Variants in CTNNA3 observed in about 807,000 individuals in gnomAD.
CTNNA3 encodes catenin alpha 3, also known as catenin alpha-3.
Under a neutral mutation model 95.7 loss-of-function variants are expected in CTNNA3, and 76 were observed. The ratio of observed to expected loss-of-function variants is 0.79; its 90% CI spans 0.66 to 0.96. CTNNA3 has a LOEUF of 0.96. Ranked by LOEUF, CTNNA3 falls within the 40% of genes least tolerant of loss-of-function variation. The probability of loss-of-function intolerance (pLI) is 0.00; values close to 1 mark genes in which losing one functional copy is unlikely to be tolerated. For synonymous variants in CTNNA3, 431 were observed against 374.4 expected, an observed-to-expected ratio of 1.15 and a Z score of -1.74; for missense variants, 1,191 against 1,089.8, an observed-to-expected ratio of 1.09 and a Z score of -1.31.
chr10:66,033,135 C>T (rs796783348), intron 15 of CTNNA3, among the ~76,000 whole-genome samples: 10 of 131,892 alleles, frequency 7.6e-5, no homozygotes, highest in South Asian at 2.4e-4. Context: ...TTCTTTTTTT[C>T]TTTTTTTTTT....
chr10:67,238,628 C>T (rs1244959880), intron 5 of CTNNA3, among the ~76,000 whole-genome samples: 4 of 152,022 alleles, frequency 2.6e-5, no homozygotes, highest in Admixed American at 2.6e-4. Context: ...AATATGAGGT[C>T]TGTTCACCTT....
intron 3 of CTNNA3, among the ~76,000 whole-genome samples, chr10:67,581,742 T>A (rs1032746534): frequency 5.3e-5 from 8 of 152,202 alleles, no homozygotes; most frequent in South Asian, 2.1e-4. Flanking sequence ...TCAGAGCCTG[T>A]TATTGGTCTA....
intron 5 of CTNNA3, among the ~76,000 whole-genome samples, chr10:67,332,219 C>T (rs1365310459): frequency 6.6e-6 from 1 of 152,012 alleles, no homozygotes; most frequent in Non-Finnish European, 1.5e-5. Context: ...AATCTTTGTT[C>T]CAAAGTAAAA....
chr10:67,504,789 G>GT (rs1439644644), intron 5 of CTNNA3, among the ~76,000 whole-genome samples: 1 of 152,134 alleles, frequency 6.6e-6, no homozygotes, highest in Non-Finnish European at 1.5e-5. Flanking sequence ...TTTACTCTCT[G>GT]TTTTTAAGAC....
At chr10:66,160,365 T>C (rs548160568) in intron 13 of CTNNA3, among the ~76,000 whole-genome samples, 4 of 152,130 alleles carry the variant, frequency 2.6e-5, no homozygotes, top group African/African-American at 9.6e-5. Flanking sequence ...TTCCAGAGGT[T>C]TTGTTAGGTT....
intron 9 of CTNNA3, among the ~76,000 whole-genome samples, chr10:66,763,331 C>CAGAGAGAG (rs1297169147): frequency 1.3e-3 from 85 of 64,420 alleles, no homozygotes; most frequent in Middle Eastern, 8.9e-3. Context: ...CACACACACA[C>CAGAGAGAG]ACACACACAC....
chr10:65,956,875 G>A (rs539377907), intron 17 of CTNNA3, among the ~76,000 whole-genome samples: 1 of 152,272 alleles, frequency 6.6e-6, no homozygotes, highest in East Asian at 1.9e-4. Flanking sequence ...TTGATTTGGG[G>A]TGGAGAGTTC....
intron 13 of CTNNA3, among the ~76,000 whole-genome samples, chr10:66,176,378 T>C (rs917371826): frequency 6.6e-6 from 1 of 152,128 alleles, no homozygotes; most frequent in Non-Finnish European, 1.5e-5. Flanking sequence ...TATTTTTAAA[T>C]TACTGAAGTC....
At chr10:66,739,790 G>T (rs1191240823) in intron 9 of CTNNA3, among the ~76,000 whole-genome samples, 1 of 152,002 alleles carries the variant, frequency 6.6e-6, no homozygotes, top group Non-Finnish European at 1.5e-5. Context: ...AGTCTGATTG[G>T]GGAAAGTACA....
At chr10:66,121,133 G>A (rs1026545495) in intron 13 of CTNNA3, among the ~76,000 whole-genome samples, 2 of 152,272 alleles carry the variant, frequency 1.3e-5, no homozygotes, top group Middle Eastern at 3.4e-3. Context: ...TCTCAAACCA[G>A]TGATCAGAAC....
chr10:67,505,143 C>T (rs1449869803), intron 5 of CTNNA3, among the ~76,000 whole-genome samples: 1 of 152,146 alleles, frequency 6.6e-6, no homozygotes, highest in African/African-American at 2.4e-5. Context: ...GCTGCTCTGA[C>T]CCAAGGTGAG....
intron 7 of CTNNA3, among the ~76,000 whole-genome samples, chr10:66,861,536 C>T (rs1843928198): frequency 6.6e-6 from 1 of 152,068 alleles, no homozygotes; most frequent in Non-Finnish European, 1.5e-5. Context: ...CCATCTCAGA[C>T]CCTGAACTAG....
At chr10:66,797,998 C>T (rs1841278963) in intron 7 of CTNNA3, among the ~76,000 whole-genome samples, 1 of 151,810 alleles carries the variant, frequency 6.6e-6, no homozygotes, top group Non-Finnish European at 1.5e-5. Context: ...TTGACAATAT[C>T]TTACCACAAG....
At position 66,464,871 on chromosome 10, in the gene CTNNA3, C is replaced by T. The variant is rs191436163; in HGVS notation, c.1531+55746G>A. ...GAATGGAGAATTTTTCTGAAGTTGG[C>T]GGCCAGCCTCATTAAAAAAAAATAA... On this transcript the variant is annotated intron_variant, in intron 11 of 17. Transcript: ENST00000433211. Among the ~76,000 whole-genome samples the T allele has an allele frequency of 6.5e-3, 988 of 151,898 alleles. 14 individuals carry two copies. The highest frequency in any genetic ancestry group is 0.023 in the African/African-American group (946 of 41,390).
chr10:66,019,548 A>G (rs1053456751), intron 15 of CTNNA3, among the ~76,000 whole-genome samples: 13 of 152,134 alleles, frequency 8.5e-5, no homozygotes, highest in Non-Finnish European at 1.5e-4. Flanking sequence ...TTTGATTTTT[A>G]AAATGATTCC....
chr10:67,297,224 T>C (rs1175554910), intron 5 of CTNNA3, among the ~76,000 whole-genome samples: 1 of 152,146 alleles, frequency 6.6e-6, no homozygotes, highest in African/African-American at 2.4e-5. Context: ...GGCATTAATG[T>C]GAGACAGGAA....
intron 9 of CTNNA3, among the ~76,000 whole-genome samples, chr10:66,668,923 T>C (rs1846558974): frequency 6.6e-6 from 1 of 152,264 alleles, no homozygotes; most frequent in Non-Finnish European, 1.5e-5. Context: ...CAATGACTAC[T>C]TGGATAAAAA....
rs546980754 is a variant in CTNNA3 at position 67,406,970 on chromosome 10, G to A, written c.579+114872C>T. The stretch of plus-strand genomic sequence containing the variant: ...AAGCCCATAACCAGATGGATTCACC[G>A]CTTAACTCTACCAGAGGTACAAAGA... On this transcript the variant is annotated intron_variant, in intron 5 of 17. Transcript: ENST00000433211. 2.6e-4 allele frequency among the ~76,000 whole-genome samples: 39 copies of A among 152,186 alleles called. 1 individual carries two copies. The East Asian group carries it at 4.3e-3, about 17-fold the overall frequency.
intron 9 of CTNNA3, among the ~76,000 whole-genome samples, chr10:66,714,101 A>C (rs1333799738): frequency 6.6e-6 from 1 of 152,152 alleles, no homozygotes; most frequent in Non-Finnish European, 1.5e-5. Flanking sequence ...GACCACACCC[A>C]AAATGATCGA....
Sources: allele counts gnomAD v4.1 joint callset (sites outside exome capture counted in the v4.1 genomes callset), GRCh38; gene constraint gnomAD v4.1.1; transcripts MANE v1.5; gene names NCBI Gene and HGNC (gene_info 2026-07-23, HGNC 2026-07-21).